The following PTPRD variants were observed in gnomAD, a reference collection of about 807,000 sequenced individuals.
PTPRD encodes the protein protein tyrosine phosphatase receptor type D, also known as receptor-type tyrosine-protein phosphatase delta.
In PTPRD, 34 loss-of-function variants were observed where a neutral mutation model predicts 214.5. The observed-to-expected ratio is 0.16, with a 90% CI of 0.12 to 0.21. The LOEUF (loss-of-function observed/expected upper bound fraction) is 0.21. Among genes scored for constraint, PTPRD ranks in the 10% least tolerant of loss-of-function variants. The pLI is 1.00. For synonymous variants in PTPRD, 1,128 were observed against 845.7 expected, an observed-to-expected ratio of 1.33 and a Z score of -5.79; for missense variants, 2,545 against 2,398.7, an observed-to-expected ratio of 1.06 and a Z score of -1.27.
intron 30 of PTPRD, among the ~76,000 whole-genome samples, chr9:8,483,861 GTT>G (rs2096942485): frequency 6.6e-6 from 1 of 152,184 alleles, no homozygotes; most frequent in South Asian, 2.1e-4. Flanking sequence ...TGTTCTATAT[GTT>G]TTTCTGTTTC....
At chr9:10,489,697 C>T (rs2099154884) in intron 2 of PTPRD, among the ~76,000 whole-genome samples, 1 of 152,142 alleles carries the variant, frequency 6.6e-6, no homozygotes, top group Non-Finnish European at 1.5e-5. Flanking sequence ...TCAGCAATTT[C>T]CCTCTGGCTA....
At chr9:9,221,371 A>C (rs1012740831) in intron 9 of PTPRD, among the ~76,000 whole-genome samples, 3 of 152,098 alleles carry the variant, frequency 2.0e-5, no homozygotes, top group African/African-American at 7.2e-5. Flanking sequence ...TATGAGAGGA[A>C]AGAAAGCAAA....
chr9:8,589,683 T>C (rs1374689936), intron 14 of PTPRD, among the ~76,000 whole-genome samples: 2 of 152,164 alleles, frequency 1.3e-5, no homozygotes, highest in Non-Finnish European at 2.9e-5. Flanking sequence ...TCCAGAAACC[T>C]GTCTTGGATA....
intron 11 of PTPRD, among the ~76,000 whole-genome samples, chr9:8,833,027 C>T (rs897319845): frequency 1.3e-5 from 2 of 151,954 alleles, no homozygotes; most frequent in Non-Finnish European, 2.9e-5. Context: ...AAAAAATCAG[C>T]AATACAACTG....
rs1766934667 is a variant in PTPRD, at chr9:10,494,759, G to A, written c.-600+117639C>T. 2.0e-5 allele frequency among the ~76,000 whole-genome samples: 3 copies of A among 151,012 alleles called. No individual in the cohort carries two copies. The Admixed American group carries it at 2.0e-4, about 10-fold the overall frequency. On this transcript the variant is annotated intron_variant, in intron 2 of 45. Transcript: ENST00000381196. ...TACAGATGAATCTGATTATTTATAA[G>A]ATATATTAATCATAGTATATTTAAT...
intron 8 of PTPRD, among the ~76,000 whole-genome samples, chr9:9,508,382 CG>C (rs1448960751): frequency 1.3e-5 from 2 of 151,348 alleles, no homozygotes; most frequent in Non-Finnish European, 3.0e-5. Flanking sequence ...AATGACCTTT[CG>C]TGAGTAGAAA....
intron 2 of PTPRD, among the ~76,000 whole-genome samples, chr9:10,345,031 C>T (rs1035795333): frequency 2.0e-5 from 3 of 152,018 alleles, no homozygotes; most frequent in Non-Finnish European, 4.4e-5. Context: ...CCTTTCTCCC[C>T]ATCATAGAAT....
chr9:8,709,254 C>T (rs922147886), intron 12 of PTPRD, among the ~76,000 whole-genome samples: 8 of 151,976 alleles, frequency 5.3e-5, no homozygotes, highest in African/African-American at 1.7e-4. Context: ...GTGGCTCGCA[C>T]CTGTAATGCC....
chr9:9,103,431 T>C (rs930846571), intron 10 of PTPRD, among the ~76,000 whole-genome samples: 1 of 152,126 alleles, frequency 6.6e-6, no homozygotes, highest in Non-Finnish European at 1.5e-5. Flanking sequence ...TAAGTAATTA[T>C]GGAGTAAAAC....
chr9:8,554,661 A>G (rs1351777871), intron 14 of PTPRD, among the ~76,000 whole-genome samples: 1 of 152,200 alleles, frequency 6.6e-6, no homozygotes, highest in East Asian at 1.9e-4. Flanking sequence ...ACAGAAATAC[A>G]ATTTTATAAT....
At chr9:10,256,393 AG>A (rs2093279468) in intron 3 of PTPRD, among the ~76,000 whole-genome samples, 1 of 134,358 alleles carries the variant, frequency 7.4e-6, no homozygotes, top group African/African-American at 2.9e-5. Flanking sequence ...CTTGAATTAC[AG>A]CTTTTTTTTT....
chr9:9,876,528 G>A (rs779010517), intron 5 of PTPRD, among the ~76,000 whole-genome samples: 2 of 152,050 alleles, frequency 1.3e-5, no homozygotes, highest in Non-Finnish European at 2.9e-5. Flanking sequence ...CACATGATGT[G>A]AAAACACTTG....
intron 7 of PTPRD, among the ~76,000 whole-genome samples, chr9:9,582,307 C>T (rs1379224437): frequency 1.3e-5 from 2 of 151,878 alleles, no homozygotes; most frequent in African/African-American, 4.8e-5. Flanking sequence ...AGGCATGTTC[C>T]TCTTTGTCCC....
rs2057471776 is a variant in PTPRD at position 10,535,235 on chromosome 9, T to A, written c.-600+77163A>T. Among the ~76,000 whole-genome samples, 6 of 152,182 alleles carry A rather than the reference T, an allele frequency of 3.9e-5. No homozygotes were observed. The South Asian group carries it at 1.2e-3, about 31-fold the overall frequency. ...GCTGCTTTAATGTTGAATACTGGAT[T>A]TCAGTCAGGTTTTCAACTAAAAAAT... On this transcript the variant is annotated intron_variant, in intron 2 of 45. Transcript: ENST00000381196.
chr9:9,977,922 C>T (rs550729883), intron 4 of PTPRD, among the ~76,000 whole-genome samples: 1 of 109,028 alleles, frequency 9.2e-6, no homozygotes, highest in Non-Finnish European at 2.3e-5. Context: ...ATTTAACATA[C>T]CTTTCCAGAA....
chr9:9,111,508 C>T (rs775623956), intron 10 of PTPRD, among the ~76,000 whole-genome samples: 1 of 152,106 alleles, frequency 6.6e-6, no homozygotes, highest in Admixed American at 6.5e-5. Flanking sequence ...AAACAACCCA[C>T]ATTAAGACTC....
intron 12 of PTPRD, among the ~76,000 whole-genome samples, chr9:8,683,826 T>C (rs1366195918): frequency 1.3e-5 from 2 of 152,202 alleles, no homozygotes; most frequent in African/African-American, 4.8e-5. Context: ...TCTTCCCTTT[T>C]CTTCCCCGAC....
At position 9,430,583 on chromosome 9, in the gene PTPRD, C is replaced by T. The variant is rs1163002391; in HGVS notation, c.-236-33101G>A. Among the ~76,000 whole-genome samples the T allele has an allele frequency of 2.6e-5, 4 of 152,146 alleles. No homozygotes were observed. The South Asian group carries it at 8.3e-4, about 32-fold the overall frequency. On this transcript the variant is annotated intron_variant, in intron 8 of 45. Coordinates refer to ENST00000381196, the MANE Select transcript of PTPRD (RefSeq NM_002839.4). ...AAGTTCATATGGAACAAAAAAGAGC[C>T]CGCATTGCCAAGACAATCCTAAGCC...
intron 3 of PTPRD, among the ~76,000 whole-genome samples, chr9:10,106,862 A>T (rs2098638495): frequency 6.6e-6 from 1 of 152,006 alleles, no homozygotes; most frequent in South Asian, 2.1e-4. Flanking sequence ...AGTGACATAC[A>T]GAAAGGAAAG....
Sources: allele counts gnomAD v4.1 joint callset (sites outside exome capture counted in the v4.1 genomes callset), GRCh38; gene constraint gnomAD v4.1.1; transcripts MANE v1.5; gene names NCBI Gene and HGNC (gene_info 2026-07-23, HGNC 2026-07-21).